Variants in RC3H1 observed in about 807,000 individuals in gnomAD.
The protein encoded by RC3H1 is roquin-1.
RC3H1 carries 50 observed loss-of-function variants against 138.2 expected under a neutral mutation model. The observed-to-expected ratio is 0.36, with a 90% CI of 0.29 to 0.46. The LOEUF (loss-of-function observed/expected upper bound fraction) is 0.46. Ranked by LOEUF, RC3H1 falls within the 20% of genes least tolerant of loss-of-function variation. RC3H1 has a pLI of 1.00. For missense variants in RC3H1, 1,031 were observed against 1,388.1 expected (o/e 0.74, Z 4.09); for synonymous variants, 462 against 489.1 (o/e 0.94, Z 0.73).
Position 173,992,784 on chromosome 1 carries a change from A to T in RC3H1, c.202T>A (p.Ser68Thr). The T allele has an allele frequency of 6.2e-7, 1 of 1,613,966 alleles. No homozygotes were observed. Among genetic ancestry groups the T allele is most frequent in the Non-Finnish European group, 8.5e-7 (1 of 1,179,948 alleles). The change falls in exon 2 of 20, where the codon TCA (serine) becomes ACA (threonine). Residue 68 changes from serine (S) to threonine (T), a missense_variant. Physicochemically the swap from Ser to Thr is moderately conservative, Grantham distance 58. Coordinates refer to ENST00000367696, the MANE Select transcript of RC3H1 (RefSeq NM_172071.4). ...NTDIELLPVN[S>T]ALLQLVGAQV... is the part of the protein sequence containing the mutation. ...GCACCCACGAGCTGCAGCAATGCTGAGTTCACAGGGAGGAGCTCAATGTCT... is the reference window on the plus strand; with the variant it reads ...GCACCCACGAGCTGCAGCAATGCTGTGTTCACAGGGAGGAGCTCAATGTCT...
chr1:173,980,328 T>C (rs1660762836), intron 6 of RC3H1, among the ~76,000 whole-genome samples: 1 of 150,920 alleles, frequency 6.6e-6, no homozygotes, highest in Non-Finnish European at 1.5e-5. Context: ...CTGAGAATGG[T>C]CAAGTTCAAA....
At chr1:173,941,225 G>A (rs373968880) in intron 19 of RC3H1, 40 bp downstream of exon 19, 36 of 1,160,226 alleles carry the variant, frequency 3.1e-5, no homozygotes, top group African/African-American at 6.1e-5. Context: ...TCTCTTTTGT[G>A]TGTAATTTAA....
Position 173,934,506 on chromosome 1 carries a change from T to C in RC3H1, c.*4215A>G, listed in dbSNP as rs1036716789. 1.4e-4 allele frequency: 21 copies of C among 152,156 alleles called. No individual in the cohort carries two copies. The highest frequency in any genetic ancestry group is 3.9e-4 in the African/African-American group (16 of 41,430). 9.4% of individuals were successfully genotyped at this position (152,156 alleles called of 1,614,324 possible). A position where few individuals can be genotyped will look rare whatever the true frequency, so the allele number is the denominator to read the frequency against. On this transcript the variant is annotated 3_prime_UTR_variant, in exon 20 of 20. Transcript: ENST00000367696. The stretch of plus-strand genomic sequence containing the variant: ...CACAGTACAATCAACTCACAAATAC[T>C]AAAAGGTTTCATGATCAAAATGGCT...
Position 173,982,793 on chromosome 1 carries a change from A to G in RC3H1, c.702T>C (p.Phe234=), listed in dbSNP as rs1288666191. ...LFVVQRLEPR[F]PQASKTSIGH... Reference sequence around the variant, plus strand: ...CAATGCTAGTTTTAGAGGCTTGAGGAAACCGTGGCTCCAATCTTTGCACCA... The same window carrying G: ...CAATGCTAGTTTTAGAGGCTTGAGGGAACCGTGGCTCCAATCTTTGCACCA... The change falls in exon 5 of 20, where the codon TTT becomes TTC. Residue 234 remains phenylalanine, a synonymous_variant. Transcript: ENST00000367696. The G allele has an allele frequency of 6.2e-7, 1 of 1,613,870 alleles. No individual in the cohort carries two copies.
chr1:173,974,873 G>C lies in RC3H1; in HGVS notation c.1103-2246C>G, dbSNP rs1445387727. Among the ~76,000 whole-genome samples, 6 of 152,246 alleles carry C rather than the reference G, an allele frequency of 3.9e-5. No individual in the cohort carries two copies. In the East Asian group the frequency reaches 1.2e-3, roughly 29 times the overall value. On this transcript the variant is annotated intron_variant, in intron 7 of 19. Transcript: ENST00000367696. Reference sequence around the variant, plus strand: ...TATTCCATAATCCCCTGAGAGATGGGGATGGTAGCAGTGAAGGTAAATGGA... The same window carrying C: ...TATTCCATAATCCCCTGAGAGATGGCGATGGTAGCAGTGAAGGTAAATGGA...
chr1:173,977,110 G>C (rs1298483191), intron 7 of RC3H1, among the ~76,000 whole-genome samples: 1 of 151,900 alleles, frequency 6.6e-6, no homozygotes, highest in African/African-American at 2.4e-5. Flanking sequence ...ATTTTTAGTA[G>C]AGACGGGGTT....
At chr1:173,984,841 A>C (rs964530724) in intron 2 of RC3H1, among the ~76,000 whole-genome samples, 9 of 152,182 alleles carry the variant, frequency 5.9e-5, no homozygotes, top group African/African-American at 2.2e-4. Context: ...CATACAACTG[A>C]CTGGTTTAAA....
intron 2 of RC3H1, among the ~76,000 whole-genome samples, chr1:173,987,205 G>A (rs1334859285): frequency 6.6e-6 from 1 of 152,152 alleles, no homozygotes; most frequent in Non-Finnish European, 1.5e-5. Context: ...TTTTTGGAAG[G>A]AGTCACTATG....
intron 17 of RC3H1, among the ~76,000 whole-genome samples, chr1:173,945,793 T>C (rs1232831324): frequency 6.6e-6 from 1 of 151,908 alleles, no homozygotes; most frequent in African/African-American, 2.4e-5. Flanking sequence ...CTGCAACCTC[T>C]GCTTCCTGGG....
intron 6 of RC3H1, among the ~76,000 whole-genome samples, chr1:173,979,593 T>C (rs112403541): frequency 0.015 from 2,328 of 152,214 alleles, 72 homozygotes; most frequent in African/African-American, 0.054. Context: ...GAGACAGAGA[T>C]TGCAGTGAGC....
At chr1:174,021,489 T>C (rs950330373) in intron 1 of RC3H1, among the ~76,000 whole-genome samples, 2 of 150,150 alleles carry the variant, frequency 1.3e-5, no homozygotes, top group Non-Finnish European at 3.0e-5. Flanking sequence ...TTAAGTTTTT[T>C]GTTTTTTTTT....
At chr1:173,939,019 C>T in intron 19 of RC3H1, 148 bp from the exon 20 acceptor site, 1 of 576,444 alleles carries the variant, frequency 1.7e-6, no homozygotes. Context: ...TTTTAGCACA[C>T]AGTTGGCAAA....
intron 1 of RC3H1, among the ~76,000 whole-genome samples, chr1:174,005,602 C>T (rs1557952365): frequency 6.6e-6 from 1 of 152,096 alleles, no homozygotes; most frequent in Admixed American, 6.5e-5. Context: ...CGGACCTTCA[C>T]AAACACAACA....
chr1:173,952,189 A>G (rs1375632453), intron 13 of RC3H1, 51 bp from the exon 14 acceptor site: 2 of 1,409,548 alleles, frequency 1.4e-6, no homozygotes, highest in Non-Finnish European at 1.9e-6. Context: ...AGAAAGAAAC[A>G]AAACAGGAAA....
At chr1:174,009,636 C>G (rs972100811) in intron 1 of RC3H1, among the ~76,000 whole-genome samples, 1 of 152,092 alleles carries the variant, frequency 6.6e-6, no homozygotes, top group Non-Finnish European at 1.5e-5. Flanking sequence ...GTTAGGAGTT[C>G]AAGACCAGCC....
At position 173,992,977 on chromosome 1, in the gene RC3H1, T is replaced by A; in HGVS notation, c.9A>T (p.Val3=). The A allele has an allele frequency of 6.2e-7, 1 of 1,611,986 alleles. No individual in the cohort carries two copies. Among genetic ancestry groups the A allele is most frequent in the Non-Finnish European group, 8.5e-7 (1 of 1,178,206 alleles). Residue 3 remains valine (V), a synonymous_variant, in exon 2 of 20, where the codon GTA becomes GTT. Coordinates refer to ENST00000367696, the MANE Select transcript of RC3H1 (RefSeq NM_172071.4). ...GGAAATCCGTCCATTGTGGAGCTTG[T>A]ACAGGCATTGCTTCTGGAGTTACAA... MP[V]QAPQWTDFLS... is the part of the protein sequence containing the mutation.
intron 2 of RC3H1, among the ~76,000 whole-genome samples, chr1:173,986,861 C>T (rs1313648598): frequency 6.6e-6 from 1 of 152,138 alleles, no homozygotes; most frequent in African/African-American, 2.4e-5. Context: ...ACTGCGCTAG[C>T]CCTTCAATAT....
At chr1:173,986,374 AAG>A (rs2103022073) in intron 2 of RC3H1, among the ~76,000 whole-genome samples, 1 of 151,034 alleles carries the variant, frequency 6.6e-6, no homozygotes, top group South Asian at 2.1e-4. Context: ...TCTTCAGAGA[AAG>A]AGTCTCGCTC....
chr1:173,952,163 C>CAAAAAAAAAAAAAAAAAAAAAAAAAA (rs74263815), intron 13 of RC3H1, 25 bp from the exon 14 acceptor site: 2 of 948,938 alleles, frequency 2.1e-6, no homozygotes, highest in African/African-American at 2.1e-5. Flanking sequence ...AGAAAAAAAA[C>CAAAAAAAAAAAAAAAAAAAAAAAAAA]AAAAAAAAAA....
Sources: gnomAD v4.1 joint callset for allele counts (sites outside exome capture counted in the v4.1 genomes callset) on GRCh38, gnomAD v4.1.1 for gene constraint, MANE v1.5 for transcripts, NCBI Gene and HGNC (gene_info 2026-07-23, HGNC 2026-07-21) for gene names.